C10orf71: variants seen among roughly 807,000 people sequenced by gnomAD.
C10orf71 encodes chromosome 10 open reading frame 71.
For missense variants in C10orf71, 1,869 were observed against 1,804.5 expected, an observed-to-expected ratio of 1.04 and a Z score of -0.65; for synonymous variants, 758 against 726.3, an observed-to-expected ratio of 1.04 and a Z score of -0.70.
Position 49,323,009 on chromosome 10 carries a change from G to A in C10orf71, c.464G>A (p.Ser155Asn), listed in dbSNP as rs1303739612. 5 of 1,614,032 alleles carry A rather than the reference G, an allele frequency of 3.1e-6. No homozygotes were observed. The Admixed American group carries it at 8.3e-5, about 27-fold the overall frequency. The change falls in exon 3 of 3, where the codon AGC becomes AAC. Residue 155 changes from serine (S) to asparagine (N), a missense_variant. Ser to Asn is a conservative substitution (Grantham distance 46). Transcript: ENST00000374144. ...TLIKSFDRTE[S>N]QRCESRPTAS... is the part of the protein sequence containing the mutation. ...ATTAAATCTTTCGACAGGACCGAGA[G>A]CCAACGTTGTGAGAGCAGGCCCACT...
Position 49,322,811 on chromosome 10 carries a change from G to T in C10orf71, c.266G>T (p.Gly89Val). The change falls in exon 3 of 3, where the codon GGC (glycine) becomes GTC (valine). Residue 89 changes from glycine to valine, a missense_variant. Gly to Val is a moderately radical substitution (Grantham distance 109). Coordinates refer to ENST00000374144, the MANE Select transcript of C10orf71 (RefSeq NM_001135196.2). ...SGIWSQLPSQGTEHSGWAATF... is the reference protein window; with the variant it reads ...SGIWSQLPSQVTEHSGWAATF... Reference sequence around the variant, plus strand: ...ATTTGGAGCCAGTTACCGTCACAGGGCACGGAACATTCGGGCTGGGCGGCC... The same window carrying T: ...ATTTGGAGCCAGTTACCGTCACAGGTCACGGAACATTCGGGCTGGGCGGCC... The T allele has an allele frequency of 6.2e-7, 1 of 1,613,884 alleles. No homozygotes were observed. The highest frequency in any genetic ancestry group is 8.5e-7 in the Non-Finnish European group (1 of 1,179,848).
At chr10:49,315,119 A>G (rs928685299) in intron 1 of C10orf71, among the ~76,000 whole-genome samples, 1 of 152,178 alleles carries the variant, frequency 6.6e-6, no homozygotes, top group Non-Finnish European at 1.5e-5. Context: ...CAGCCTGGGG[A>G]GTCAGGGATG....
chr10:49,314,692 C>G (rs1383601666), intron 1 of C10orf71, among the ~76,000 whole-genome samples: 2 of 152,180 alleles, frequency 1.3e-5, no homozygotes, highest in South Asian at 4.1e-4. Flanking sequence ...ATCCCTAAGT[C>G]AGATCTCAGT....
chr10:49,324,099 T>C lies in C10orf71; in HGVS notation c.1554T>C (p.Pro518=), dbSNP rs751670172. ...KRVKSTYSSS[P]LLKVLDEKTR... is the part of the protein sequence containing the mutation. The stretch of plus-strand genomic sequence containing the variant: ...TTAAGAGCACATACAGTTCCTCACC[T>C]CTCTTGAAAGTGCTTGATGAGAAAA... The change falls in exon 3 of 3, where the codon CCT becomes CCC. Residue 518 remains proline, a synonymous_variant. Coordinates refer to ENST00000374144, the MANE Select transcript of C10orf71 (RefSeq NM_001135196.2). The C allele has an allele frequency of 2.5e-6, 4 of 1,613,860 alleles. No homozygotes were observed. Among genetic ancestry groups the C allele is most frequent in the Non-Finnish European group, 3.4e-6 (4 of 1,179,862 alleles).
chr10:49,317,389 A>C (rs1310840949), intron 2 of C10orf71, among the ~76,000 whole-genome samples: 2 of 152,240 alleles, frequency 1.3e-5, no homozygotes, highest in African/African-American at 4.8e-5. Context: ...CAGGGCTGCA[A>C]AGTGAATTCA....
chr10:49,305,124 A>G (rs1485498332), intron 1 of C10orf71, among the ~76,000 whole-genome samples: 2 of 152,186 alleles, frequency 1.3e-5, no homozygotes, highest in East Asian at 3.8e-4. Context: ...GTCATGGGGT[A>G]TGGGGAATAG....
At chr10:49,311,373 C>G (rs1002175952) in intron 1 of C10orf71, among the ~76,000 whole-genome samples, 1 of 152,240 alleles carries the variant, frequency 6.6e-6, no homozygotes, top group Non-Finnish European at 1.5e-5. Flanking sequence ...CTTCTCAGGC[C>G]TGGGTTGGCT....
At position 49,326,324 on chromosome 10, in the gene C10orf71, G is replaced by A. The variant is rs1461834248; in HGVS notation, c.3779G>A (p.Gly1260Asp). 1 of 1,549,490 alleles carries A rather than the reference G, an allele frequency of 6.5e-7. No individual in the cohort carries two copies. Among genetic ancestry groups the A allele is most frequent in the Non-Finnish European group, 8.7e-7 (1 of 1,146,390 alleles). The change falls in exon 3 of 3, where the codon GGC becomes GAC. Residue 1260 changes from glycine to aspartate, a missense_variant. Physicochemically the swap from Gly to Asp is moderately conservative, Grantham distance 94. Transcript: ENST00000374144. ...FSEPVGRRPG[G>D]PQSLTPLPAY... is the part of the protein sequence containing the mutation. ...GAGCCTGTCGGGAGGCGGCCCGGGG[G>A]CCCCCAGTCCCTCACACCCCTGCCC...
intron 1 of C10orf71, among the ~76,000 whole-genome samples, chr10:49,306,369 G>T (rs1408065922): frequency 6.6e-6 from 1 of 152,204 alleles, no homozygotes; most frequent in Non-Finnish European, 1.5e-5. Flanking sequence ...TTTTTTCCAG[G>T]TGTAGCAGTT....
Position 49,327,088 on chromosome 10 carries a change from C to A in C10orf71, c.*235C>A, listed in dbSNP as rs555132069. On this transcript the variant is annotated 3_prime_UTR_variant, in exon 3 of 3. Transcript: ENST00000374144. ...ATGGAGGGGCACTGCTTGCTTGGCC[C>A]GGTCCCCTCCGTGCCAGTTCCCAGG... The A allele has an allele frequency of 7.0e-7, 1 of 1,435,248 alleles. No homozygotes were observed. The highest frequency in any genetic ancestry group is 1.3e-5 in the South Asian group (1 of 76,208). The allele number at this position is 1,435,248 out of a possible 1,614,324, so 88.9% of individuals were successfully genotyped here. A position where few individuals can be genotyped will look rare whatever the true frequency, so the allele number is the denominator to read the frequency against.
chr10:49,314,022 C>T (rs1383421066), intron 1 of C10orf71, among the ~76,000 whole-genome samples: 1 of 152,024 alleles, frequency 6.6e-6, no homozygotes, highest in Admixed American at 6.5e-5. Context: ...GAGGAAGAGA[C>T]TAAACATCCA....
At chr10:49,298,806 T>C (rs1016784392), upstream of C10orf71, 1 of 152,198 alleles carries the variant, frequency 6.6e-6, no homozygotes, top group African/African-American at 2.4e-5. Context: ...GACGGCTCCT[T>C]ACTCGAGGAA....
rs1849119333 is a variant in C10orf71 at position 49,322,748 on chromosome 10, A to T, written c.203A>T (p.His68Leu). The change falls in exon 3 of 3, where the codon CAC becomes CTC. Residue 68 changes from histidine (H) to leucine (L), a missense_variant. Coordinates refer to ENST00000374144, the MANE Select transcript of C10orf71 (RefSeq NM_001135196.2). Reference protein sequence around the residue: ...DITRQVFGTFHQRTVGHTQRK... With the variant: ...DITRQVFGTFLQRTVGHTQRK... ...ACCCGACAGGTGTTTGGGACTTTTC[A>T]CCAGAGAACAGTGGGCCACACCCAG... 1 of 1,613,506 alleles carries T rather than the reference A, an allele frequency of 6.2e-7. No individual in the cohort carries two copies. The highest frequency in any genetic ancestry group is 8.5e-7 in the Non-Finnish European group (1 of 1,179,654).
At chr10:49,308,453 C>T (rs1040056007) in intron 1 of C10orf71, among the ~76,000 whole-genome samples, 1 of 152,184 alleles carries the variant, frequency 6.6e-6, no homozygotes, top group South Asian at 2.1e-4. Flanking sequence ...CCAGGCCAGG[C>T]TGCAGGCTGA....
rs1849277329 is a variant in C10orf71, at chr10:49,327,092, C to G, written c.*239C>G. On this transcript the variant is annotated 3_prime_UTR_variant, in exon 3 of 3. Coordinates refer to ENST00000374144, the MANE Select transcript of C10orf71 (RefSeq NM_001135196.2). ...AGGGGCACTGCTTGCTTGGCCCGGTCCCCTCCGTGCCAGTTCCCAGGCGCA... is the reference window on the plus strand; with the variant it reads ...AGGGGCACTGCTTGCTTGGCCCGGTGCCCTCCGTGCCAGTTCCCAGGCGCA... 7.1e-7 allele frequency: 1 copy of G among 1,407,246 alleles called. No individual in the cohort carries two copies. The highest frequency in any genetic ancestry group is 1.4e-5 in the African/African-American group (1 of 70,328). The allele number at this position is 1,407,246 out of a possible 1,614,324, so 87.2% of individuals were successfully genotyped here.
rs184532835 is a variant in C10orf71 at position 49,323,434 on chromosome 10, G to A, written c.889G>A (p.Val297Ile). The A allele has an allele frequency of 1.5e-4, 239 of 1,613,970 alleles. No individual in the cohort carries two copies. The highest frequency in any genetic ancestry group is 1.2e-3 in the East Asian group (55 of 44,886). The change falls in exon 3 of 3, where the codon GTC (valine) becomes ATC (isoleucine). Residue 297 changes from valine (V) to isoleucine (I), a missense_variant. Val to Ile is a conservative substitution (Grantham distance 29). Coordinates refer to ENST00000374144, the MANE Select transcript of C10orf71 (RefSeq NM_001135196.2). ...GGAGAGAAAGGACACAGCTGGAACC[G>A]TCCCAGAAAGCAAAGCTCCCAAGCA... ...LLERKDTAGT[V>I]PESKAPKHYG...
At position 49,325,222 on chromosome 10, in the gene C10orf71, G is replaced by A. The variant is rs760646894; in HGVS notation, c.2677G>A (p.Glu893Lys). Residue 893 changes from glutamate to lysine, a missense_variant, in exon 3 of 3, where the codon GAA (glutamate) becomes AAA (lysine). Glu to Lys is a moderately conservative substitution (Grantham distance 56). Transcript: ENST00000374144. ...DSLSSGHKEE[E>K]LPRPEWGEDP... ...CCTCAGCAGTGGCCACAAAGAGGAG[G>A]AATTGCCAAGGCCAGAATGGGGTGA... is the stretch of plus-strand genomic sequence containing the variant. 7 of 1,551,986 alleles carry A rather than the reference G, an allele frequency of 4.5e-6. No homozygotes were observed. The highest frequency in any genetic ancestry group is 6.1e-6 in the Non-Finnish European group (7 of 1,147,046).
chr10:49,317,129 C>T (rs1849012222), intron 2 of C10orf71, among the ~76,000 whole-genome samples: 2 of 152,220 alleles, frequency 1.3e-5, no homozygotes, highest in Middle Eastern at 6.8e-3. Flanking sequence ...AGATCGGAAT[C>T]CCAGCATTTA....
chr10:49,312,868 T>A lies in C10orf71; in HGVS notation c.-247-3277T>A, dbSNP rs539297113. On this transcript the variant is annotated intron_variant, in intron 1 of 2. Coordinates refer to ENST00000374144, the MANE Select transcript of C10orf71 (RefSeq NM_001135196.2). ...TCCACTTGGATTCAAATTCACTAAT[T>A]TGAAATTTGTGATAATTCTGTGATT... 1.1e-3 allele frequency among the ~76,000 whole-genome samples: 163 copies of A among 152,350 alleles called. No individual in the cohort carries two copies. In the South Asian group the frequency reaches 0.012, roughly 11 times the overall value.
Sources: allele counts gnomAD v4.1 joint callset (sites outside exome capture counted in the v4.1 genomes callset), GRCh38; gene constraint gnomAD v4.1.1; transcripts MANE v1.5; gene names NCBI Gene and HGNC (gene_info 2026-07-23, HGNC 2026-07-21).